VAV3: variants seen among roughly 807,000 people sequenced by gnomAD.
VAV3 encodes guanine nucleotide exchange factor VAV3.
A neutral mutation model predicts 131.2 loss-of-function variants in VAV3; 94 were observed. The ratio of observed to expected loss-of-function variants is 0.72; its 90% CI spans 0.61 to 0.85. VAV3 has a LOEUF of 0.85. VAV3 is among the 40% of genes least tolerant of loss of function. The pLI is 0.00. For missense variants in VAV3, 939 were observed against 1,002.7 expected (o/e 0.94, Z 0.86); for synonymous variants, 349 against 342.0 (o/e 1.02, Z -0.22).
intron 20 of VAV3, among the ~76,000 whole-genome samples, chr1:107,642,146 T>A (rs1655389051): frequency 6.6e-6 from 1 of 152,094 alleles, no homozygotes; most frequent in Non-Finnish European, 1.5e-5. Flanking sequence ...CCTACTCGAC[T>A]GCATTCCCTG....
intron 15 of VAV3, among the ~76,000 whole-genome samples, chr1:107,741,552 T>C (rs932019842): frequency 2.6e-5 from 4 of 152,074 alleles, no homozygotes; most frequent in Admixed American, 6.5e-5. Flanking sequence ...CTGTTGGCAT[T>C]ACAAAAAATA....
chr1:107,604,958 ATCT>A (rs1323438886), intron 22 of VAV3, among the ~76,000 whole-genome samples: 2 of 152,270 alleles, frequency 1.3e-5, no homozygotes, highest in African/African-American at 4.8e-5. Flanking sequence ...AAGGAAAACC[ATCT>A]TCTTCCTGCC....
intron 2 of VAV3, among the ~76,000 whole-genome samples, chr1:107,865,925 C>T (rs996561539): frequency 1.3e-5 from 2 of 152,158 alleles, no homozygotes; most frequent in South Asian, 4.2e-4. Context: ...CAGTAAGAGA[C>T]AAAATGGCAG....
chr1:107,877,145 A>G (rs908003588), intron 1 of VAV3, among the ~76,000 whole-genome samples: 3 of 152,214 alleles, frequency 2.0e-5, no homozygotes, highest in African/African-American at 7.2e-5. Context: ...GCAGCAGGTA[A>G]TCAGCACATG....
intron 25 of VAV3, among the ~76,000 whole-genome samples, chr1:107,580,968 G>T (rs1429130829): frequency 6.6e-6 from 1 of 152,084 alleles, no homozygotes; most frequent in African/African-American, 2.4e-5. Context: ...TCCTGGAATA[G>T]AATTAAAAAG....
At chr1:107,768,377 C>A in intron 7 of VAV3, 64 bp downstream of exon 7, 1 of 1,211,610 alleles carries the variant, frequency 8.3e-7, no homozygotes, top group South Asian at 1.4e-5. Context: ...GATCTGGAAC[C>A]CCCTAAGGAA....
At chr1:107,932,531 T>C (rs111329884) in intron 1 of VAV3, among the ~76,000 whole-genome samples, 40 of 152,368 alleles carry the variant, frequency 2.6e-4, no homozygotes, top group African/African-American at 9.4e-4. Context: ...AGTATGCTGG[T>C]AGGCTGAATA....
At chr1:107,874,289 A>G (rs1304562851) in intron 2 of VAV3, among the ~76,000 whole-genome samples, 1 of 152,210 alleles carries the variant, frequency 6.6e-6, no homozygotes, top group African/African-American at 2.4e-5. Context: ...TAGTGTGCAT[A>G]CGGATAACAG....
intron 2 of VAV3, among the ~76,000 whole-genome samples, chr1:107,810,475 A>G (rs1667265662): frequency 6.6e-6 from 1 of 152,230 alleles, no homozygotes; most frequent in Non-Finnish European, 1.5e-5. Context: ...ATCTATAACT[A>G]AAGAAATTAT....
At chr1:107,751,874 G>A (rs4915071) in intron 12 of VAV3, among the ~76,000 whole-genome samples, 108,434 of 152,036 alleles carry the variant, frequency 0.71, 39,018 homozygotes, top group Non-Finnish European at 0.77. Context: ...AATCACTAAC[G>A]TTCAGAAATT....
intron 2 of VAV3, among the ~76,000 whole-genome samples, chr1:107,856,012 A>G (rs946253552): frequency 6.6e-6 from 1 of 152,232 alleles, no homozygotes; most frequent in Admixed American, 6.5e-5. Context: ...AGAGGCAGCT[A>G]GGAAGCAACA....
intron 15 of VAV3, among the ~76,000 whole-genome samples, chr1:107,706,147 T>A (rs907024947): frequency 6.6e-6 from 1 of 152,098 alleles, no homozygotes; most frequent in African/African-American, 2.4e-5. Context: ...TAAAATGATA[T>A]GCTCCGAGAC....
At chr1:107,590,880 C>G (rs991044856) in intron 25 of VAV3, among the ~76,000 whole-genome samples, 23 of 152,226 alleles carry the variant, frequency 1.5e-4, no homozygotes, top group African/African-American at 4.8e-4. Context: ...AACTCATCTT[C>G]CCTCTGTGCA....
intron 10 of VAV3, among the ~76,000 whole-genome samples, chr1:107,760,534 T>A (rs1664352046): frequency 6.6e-6 from 1 of 152,224 alleles, no homozygotes; most frequent in African/African-American, 2.4e-5. Context: ...TTGACTTGTT[T>A]TTAATTATTT....
chr1:107,706,876 A>G (rs1660487029), intron 15 of VAV3, among the ~76,000 whole-genome samples: 1 of 152,178 alleles, frequency 6.6e-6, no homozygotes, highest in Non-Finnish European at 1.5e-5. Context: ...TAAGTTCCAA[A>G]CAGGTAAGAA....
chr1:107,729,424 G>C lies in VAV3; in HGVS notation c.1502+19544C>G, dbSNP rs1662081262. ...AAAGAAACAAAGAAAAATGCAGAAAGTCTATAGTTTGGGGTTAGGAGATAG... is the reference window on the plus strand; with the variant it reads ...AAAGAAACAAAGAAAAATGCAGAAACTCTATAGTTTGGGGTTAGGAGATAG... On this transcript the variant is annotated intron_variant, in intron 15 of 26. Coordinates refer to ENST00000370056, the MANE Select transcript of VAV3 (RefSeq NM_006113.5). Among the ~76,000 whole-genome samples, 3 of 152,126 alleles carry C rather than the reference G, an allele frequency of 2.0e-5. No homozygotes were observed. The South Asian group carries it at 6.2e-4, about 31-fold the overall frequency.
chr1:107,682,520 G>T (rs1476954476), intron 19 of VAV3, among the ~76,000 whole-genome samples: 1 of 151,860 alleles, frequency 6.6e-6, no homozygotes, highest in South Asian at 2.1e-4. Flanking sequence ...CTTCAAATTT[G>T]TTCTGTAGTT....
Position 107,642,654 on chromosome 1 carries a change from G to T in VAV3, c.1879C>A (p.Leu627Ile), listed in dbSNP as rs1221717447. ...LQLQAGDTVE[L>I]LKGDAHSLFW... ...AGACTGTGTGCATCTCCTTTCAGAA[G>T]TTCAACGGTATCCCCGGCCTGGAGC... The change falls in exon 20 of 27, where the codon CTT (leucine) becomes ATT (isoleucine). Residue 627 changes from leucine to isoleucine, a missense_variant. Physicochemically the swap from Leu to Ile is conservative, Grantham distance 5 (BLOSUM62 2). Transcript: ENST00000370056. 3 of 1,613,112 alleles carry T rather than the reference G, an allele frequency of 1.9e-6. No individual in the cohort carries two copies. Among genetic ancestry groups the T allele is most frequent in the Non-Finnish European group, 2.5e-6 (3 of 1,179,566 alleles).
At chr1:107,951,811 CA>C (rs57472214) in intron 1 of VAV3, among the ~76,000 whole-genome samples, 22,468 of 143,326 alleles carry the variant, frequency 0.16, 1,788 homozygotes, top group South Asian at 0.23. Flanking sequence ...ATCAAAAAGT[CA>C]AAAAAAAAAA....
Sources: gnomAD v4.1 joint callset for allele counts (sites outside exome capture counted in the v4.1 genomes callset) on GRCh38, gnomAD v4.1.1 for gene constraint, MANE v1.5 for transcripts, NCBI Gene and HGNC (gene_info 2026-07-23, HGNC 2026-07-21) for gene names.